The following USP9X variants were observed in gnomAD, a reference collection of about 807,000 sequenced individuals.
USP9X encodes ubiquitin carboxyl-terminal hydrolase 9X.
A neutral mutation model predicts 190.3 loss-of-function variants in USP9X; 7 were observed. The observed-to-expected ratio is 0.04, with a 90% CI of 0.02 to 0.07. The LOEUF is 0.07. Among genes scored for constraint, USP9X ranks in the 10% least tolerant of loss-of-function variants. The probability of loss-of-function intolerance (pLI) is 1.00; values close to 1 mark genes in which losing one functional copy is unlikely to be tolerated. For missense variants in USP9X, 1,010 were observed against 1,916.9 expected, an observed-to-expected ratio of 0.53 and a Z score of 8.83; for synonymous variants, 645 against 659.5, an observed-to-expected ratio of 0.98 and a Z score of 0.34.
intron 14 of USP9X, among the ~76,000 whole-genome samples, chrX:41,161,706 ATCATAGCTCACTACAGC>A (rs1205792929): frequency 1.1e-5 from 1 of 91,203 alleles, no homozygotes; most frequent in African/African-American, 4.3e-5. Context: ...CAGTGGTGCA[ATCATAGCTCACTACAGC>A]CTTGAACTCC....
At position 41,183,976 on chromosome X, in the gene USP9X, A is replaced by G. The variant is rs1348659523; in HGVS notation, c.3149-22A>G. On this transcript the variant is annotated intron_variant, in intron 21 of 44. Coordinates refer to ENST00000378308, the MANE Select transcript of USP9X (RefSeq NM_001039591.3). The stretch of plus-strand genomic sequence containing the variant: ...ATGAACACATGAATTACATTTTCAC[A>G]CTGTCTCTTTTTTTCCTCCAGATAG... 4 of 1,194,213 alleles carry G rather than the reference A, an allele frequency of 3.3e-6. No individual in the cohort carries two copies. The Admixed American group carries it at 9.4e-5, about 28-fold the overall frequency.
intron 29 of USP9X, among the ~76,000 whole-genome samples, chrX:41,198,155 G>GT (rs2063004753): frequency 8.9e-6 from 1 of 112,180 alleles, no homozygotes; most frequent in African/African-American, 3.2e-5. Flanking sequence ...TCTTTAATGA[G>GT]TTTTTTCATA....
intron 31 of USP9X, among the ~76,000 whole-genome samples, chrX:41,203,816 G>A (rs957812881): frequency 2.7e-5 from 3 of 111,048 alleles, no homozygotes; most frequent in African/African-American, 9.8e-5. Flanking sequence ...TCCTGCCTCA[G>A]CCTCCCGAGT....
Position 41,230,539 on chromosome X carries a change from G to T in USP9X, c.7470G>T (p.Ser2490=). 8.3e-7 allele frequency: 1 copy of T among 1,210,723 alleles called. No homozygotes were observed. The highest frequency in any genetic ancestry group is 1.1e-6 in the Non-Finnish European group (1 of 895,128). ...AAGATGCTCCAGATGAACATGAGTC[G>T]CCTCCACCTGAAGATGCCCCATTGT... ...DDQDAPDEHE[S]PPPEDAPLYP... is the part of the protein sequence containing the mutation. The change falls in exon 44 of 45, where the codon TCG becomes TCT. Residue 2490 remains serine, a synonymous_variant. Coordinates refer to ENST00000378308, the MANE Select transcript of USP9X (RefSeq NM_001039591.3).
intron 14 of USP9X, among the ~76,000 whole-genome samples, chrX:41,160,513 CA>C (rs1296755163): frequency 9.1e-6 from 1 of 110,435 alleles, no homozygotes; most frequent in Non-Finnish European, 1.9e-5. Context: ...AGCACCTAAA[CA>C]AAAAAAGGGA....
intron 26 of USP9X, among the ~76,000 whole-genome samples, chrX:41,195,098 G>A (rs1196086991): frequency 9.3e-6 from 1 of 107,177 alleles, no homozygotes. Context: ...GTGCAGTGGC[G>A]TGATCTCAGC....
chrX:41,161,329 CTTTTTT>C (rs1158519140), intron 14 of USP9X, among the ~76,000 whole-genome samples: 1 of 32,486 alleles, frequency 3.1e-5, no homozygotes, highest in African/African-American at 1.5e-4. Flanking sequence ...GAATTCTTGC[CTTTTTT>C]TTTTTTTTTT....
rs757502787 is a variant in USP9X, at chrX:41,112,015, T to C, written c.-158-11456T>C. On this transcript the variant is annotated intron_variant, in intron 1 of 44. Transcript: ENST00000378308. ...CATGCACCACCATGCCCGGCTAATT[T>C]TGTATTTTTAGTAGAGATGGGGTTT... Among the ~76,000 whole-genome samples the C allele has an allele frequency of 8.0e-4, 88 of 110,657 alleles. 1 individual carries two copies. The Middle Eastern group carries it at 0.028, about 35-fold the overall frequency.
Position 41,098,898 on chromosome X carries a change from ATCCAT to A in USP9X, c.-159+12792_-159+12796del, listed in dbSNP as rs1742970654. The stretch of plus-strand genomic sequence containing the variant: ...ATTGTATTAAATCCATGATTTATTT[ATCCAT>A]TCTGTTGGATTGAGGTGGGTTTTTT... On this transcript the variant is annotated intron_variant, in intron 1 of 44. Transcript: ENST00000378308. 2.8e-5 allele frequency among the ~76,000 whole-genome samples: 3 copies of A among 107,553 alleles called. No individual in the cohort carries two copies. The Admixed American group carries it at 3.0e-4, about 11-fold the overall frequency. 93.4% of individuals were successfully genotyped at this position (107,553 alleles called of 115,157 possible). A position where few individuals can be genotyped will look rare whatever the true frequency, so the allele number is the denominator to read the frequency against.
intron 6 of USP9X, 39 bp downstream of exon 6, chrX:41,137,061 T>C: frequency 8.9e-7 from 1 of 1,121,672 alleles, no homozygotes; most frequent in Non-Finnish European, 1.2e-6. Context: ...AATAATACAA[T>C]TGTTTTGTTC....
chrX:41,215,817 A>G, intron 34 of USP9X, 82 bp from the exon 35 acceptor site: 1 of 1,004,907 alleles, frequency 1.0e-6, no homozygotes, highest in South Asian at 2.4e-5. Context: ...TCTTAATATC[A>G]TTTAAAAGTT....
At chrX:41,101,831 A>G (rs1183457403) in intron 1 of USP9X, among the ~76,000 whole-genome samples, 3 of 112,493 alleles carry the variant, frequency 2.7e-5, no homozygotes, top group Non-Finnish European at 5.6e-5. Flanking sequence ...ACAATGGAAT[A>G]TTATCTGTCA....
At chrX:41,135,678 T>C (rs1245665689) in intron 5 of USP9X, among the ~76,000 whole-genome samples, 1 of 112,095 alleles carries the variant, frequency 8.9e-6, no homozygotes, top group Non-Finnish European at 1.9e-5. Flanking sequence ...TCTCCCAGGC[T>C]GGAGTGTAGT....
intron 44 of USP9X, 138 bp from the exon 45 acceptor site, chrX:41,232,249 C>T (rs189599227): frequency 3.0e-6 from 1 of 329,634 alleles, no homozygotes; most frequent in Admixed American, 7.9e-5. Context: ...TTTTGTTTTG[C>T]ACTATAGTAG....
In USP9X at chrX:41,233,130, G is replaced by A. The variant is rs926741874; in HGVS notation, c.*606G>A. ...ATTTTTTTCATTGCCTTTTTATTCT[G>A]ATATTAGGTTAATCACTTTGAAGCT... is the stretch of plus-strand genomic sequence containing the variant. On this transcript the variant is annotated 3_prime_UTR_variant, in exon 45 of 45. Transcript: ENST00000378308. 1 of 111,754 alleles carries A rather than the reference G, an allele frequency of 8.9e-6. No homozygotes were observed. Among genetic ancestry groups the A allele is most frequent in the African/African-American group, 3.3e-5 (1 of 30,766 alleles). The allele number at this position is 111,754 out of a possible 1,213,427, so 9.2% of individuals were successfully genotyped here.
At chrX:41,229,093 A>T (rs1008950946) in intron 41 of USP9X, 160 bp from the exon 42 acceptor site, 15 of 383,439 alleles carry the variant, frequency 3.9e-5, no homozygotes, top group Admixed American at 1.7e-4. Context: ...CGTCTCAAAA[A>T]AAATAAATAA....
intron 29 of USP9X, 117 bp downstream of exon 29, chrX:41,197,627 T>C (rs1489867561): frequency 1.8e-6 from 1 of 544,795 alleles, no homozygotes; most frequent in African/African-American, 3.3e-5. Flanking sequence ...CTTTTCTCTT[T>C]TTTAAGAATC....
chrX:41,099,468 A>G (rs911573534), intron 1 of USP9X, among the ~76,000 whole-genome samples: 1 of 110,746 alleles, frequency 9.0e-6, no homozygotes, highest in African/African-American at 3.3e-5. Context: ...TTCCTTATCA[A>G]TACTTAGTAT....
chrX:41,167,974 T>A lies in USP9X; in HGVS notation c.2425-33T>A, dbSNP rs751287931. ...TTTGGTTTTTACATTTTAAAGCAAT[T>A]TTAACTGTGTTTATTTGGCCTGATA... On this transcript the variant is annotated intron_variant, in intron 17 of 44. Transcript: ENST00000378308. The A allele has an allele frequency of 1.6e-5, 19 of 1,153,674 alleles. No individual in the cohort carries two copies. The South Asian group carries it at 3.9e-4, about 24-fold the overall frequency.
Sources: allele counts gnomAD v4.1 joint callset (sites outside exome capture counted in the v4.1 genomes callset), GRCh38; gene constraint gnomAD v4.1.1; transcripts MANE v1.5; gene names NCBI Gene and HGNC (gene_info 2026-07-23, HGNC 2026-07-21).